MROH7: variants seen among roughly 807,000 people sequenced by gnomAD.
MROH7 encodes the protein maestro heat like repeat family member 7.
MROH7 carries 113 observed loss-of-function variants against 129.2 expected under a neutral mutation model. That is an observed-to-expected ratio of 0.87 (90% confidence interval 0.75 to 1.02). The LOEUF is 1.02. Among genes scored for constraint, MROH7 ranks in the 50% least tolerant of loss-of-function variants. The pLI is 0.00. For synonymous variants in MROH7, 655 were observed against 667.9 expected, an observed-to-expected ratio of 0.98 and a Z score of 0.30; for missense variants, 1,601 against 1,671.3, an observed-to-expected ratio of 0.96 and a Z score of 0.73.
intron 4 of MROH7, chr1:54,665,647 G>C (rs1395787611): frequency 6.2e-6 from 1 of 161,778 alleles, no homozygotes; most frequent in East Asian, 1.8e-4. Context: ...CATGTGGCAG[G>C]CTCAGGAGGC....
At chr1:54,688,665 G>C (rs1169386993) in intron 15 of MROH7, among the ~76,000 whole-genome samples, 1 of 152,190 alleles carries the variant, frequency 6.6e-6, no homozygotes. Context: ...GTGAGGACCA[G>C]ATAGGGTCGC....
chr1:54,702,775 C>T (rs1232510864), intron 21 of MROH7, 30 bp downstream of exon 21: 10 of 1,585,406 alleles, frequency 6.3e-6, no homozygotes, highest in Non-Finnish European at 8.6e-6. Context: ...AGAGTGGTTC[C>T]TTACAAGCAT....
Position 54,680,062 on chromosome 1 carries a change from T to C in MROH7, c.2381+17T>C. The C allele has an allele frequency of 1.2e-6, 2 of 1,609,842 alleles. No individual in the cohort carries two copies. Among genetic ancestry groups the C allele is most frequent in the South Asian group, 1.1e-5 (1 of 90,984 alleles). Reference sequence around the variant, plus strand: ...ACTGAACAGGTACCAAGTGAAGGGGTTCCCAGCCACTGCATCTTACAGGGT... The same window carrying C: ...ACTGAACAGGTACCAAGTGAAGGGGCTCCCAGCCACTGCATCTTACAGGGT... On this transcript the variant is annotated intron_variant, in intron 13 of 23. Transcript: ENST00000421030.
intron 3 of MROH7, among the ~76,000 whole-genome samples, chr1:54,655,940 C>G (rs1644637497): frequency 6.9e-6 from 1 of 145,208 alleles, no homozygotes; most frequent in African/African-American, 2.6e-5. Context: ...GTCACCAAGG[C>G]TGGAGTGTAA....
intron 22 of MROH7, among the ~76,000 whole-genome samples, chr1:54,708,239 C>T (rs937433165): frequency 3.9e-5 from 6 of 152,190 alleles, no homozygotes; most frequent in Admixed American, 3.3e-4. Context: ...AGCAATATAG[C>T]AAGACCCCAT....
At chr1:54,644,690 T>C (rs1644436804) in intron 1 of MROH7, among the ~76,000 whole-genome samples, 1 of 150,426 alleles carries the variant, frequency 6.6e-6, no homozygotes, top group African/African-American at 2.4e-5. Context: ...AAAATAGAAA[T>C]GAGGTCCCAC....
At chr1:54,671,503 G>C (rs2101110013) in intron 7 of MROH7, among the ~76,000 whole-genome samples, 1 of 152,376 alleles carries the variant, frequency 6.6e-6, no homozygotes, top group Non-Finnish European at 1.5e-5. Flanking sequence ...GGCCAGGATT[G>C]GGAGGGGCAG....
At chr1:54,656,594 G>A (rs1382923764) in intron 3 of MROH7, among the ~76,000 whole-genome samples, 1 of 151,458 alleles carries the variant, frequency 6.6e-6, no homozygotes, top group African/African-American at 2.4e-5. Context: ...AAGCCGAGGT[G>A]GGTGGATCAC....
chr1:54,695,571 A>C (rs565716732), intron 17 of MROH7, 81 bp downstream of exon 17: 1 of 861,524 alleles, frequency 1.2e-6, no homozygotes, highest in East Asian at 2.6e-5. Flanking sequence ...TCCTATGTAA[A>C]CAGTACTTTA....
At chr1:54,670,451 T>G in intron 5 of MROH7, 46 bp from the exon 6 acceptor site, 1 of 1,569,152 alleles carries the variant, frequency 6.4e-7, no homozygotes, top group South Asian at 1.1e-5. Context: ...CCTGGTGGCC[T>G]GCAGTAGCCC....
In MROH7 at chr1:54,696,417, A is replaced by G. The variant is rs183717591; in HGVS notation, c.2964+927A>G. 1.5e-3 allele frequency among the ~76,000 whole-genome samples: 230 copies of G among 152,296 alleles called. 1 individual carries two copies. Among genetic ancestry groups the G allele is most frequent in the Admixed American group, 4.1e-3 (62 of 15,296 alleles). On this transcript the variant is annotated intron_variant, in intron 17 of 23. Transcript: ENST00000421030. ...TGTTATGCAACCATCACCACCATTCATCTCCAGAACTTTCGTATCTTTCAC... is the reference window on the plus strand; with the variant it reads ...TGTTATGCAACCATCACCACCATTCGTCTCCAGAACTTTCGTATCTTTCAC...
chr1:54,659,401 G>A (rs1569876161), intron 3 of MROH7, among the ~76,000 whole-genome samples: 1 of 151,568 alleles, frequency 6.6e-6, no homozygotes, highest in East Asian at 1.9e-4. Flanking sequence ...TCCTGCCTCA[G>A]CCTCCTGAGT....
intron 15 of MROH7, among the ~76,000 whole-genome samples, chr1:54,690,972 C>T (rs964045560): frequency 6.6e-6 from 1 of 152,174 alleles, no homozygotes; most frequent in African/African-American, 2.4e-5. Flanking sequence ...GGAGCATATG[C>T]AGGAGGCTCA....
chr1:54,702,534 C>A, intron 20 of MROH7, 89 bp from the exon 21 acceptor site: 1 of 1,285,892 alleles, frequency 7.8e-7, no homozygotes, highest in Non-Finnish European at 1.0e-6. Context: ...TGTACAATTT[C>A]AAATAGAAAC....
intron 7 of MROH7, 70 bp from the exon 8 acceptor site, chr1:54,673,021 C>T: frequency 1.7e-6 from 2 of 1,178,480 alleles, no homozygotes; most frequent in Non-Finnish European, 2.5e-6. Context: ...CTGACCTACA[C>T]CAGGGGCCGC....
At position 54,686,307 on chromosome 1, in the gene MROH7, G is replaced by T. The variant is rs368938972; in HGVS notation, c.2570G>T (p.Arg857Leu). Reference protein sequence around the residue: ...ELLSVNSCMGRVRRIYPQLLL... With the variant: ...ELLSVNSCMGLVRRIYPQLLL... ...CTGTCCGTCAACAGCTGCATGGGCC[G>T]TGTGAGGCGCATCTACCCTCAGCTG... The change falls in exon 15 of 24, where the codon CGT becomes CTT. Residue 857 changes from arginine to leucine, a missense_variant. By Grantham distance (102) the Arg-to-Leu change is moderately radical. Coordinates refer to ENST00000421030, the MANE Select transcript of MROH7 (RefSeq NM_001039464.4). The T allele has an allele frequency of 5.0e-5, 80 of 1,613,982 alleles. No homozygotes were observed. Among genetic ancestry groups the T allele is most frequent in the Non-Finnish European group, 5.9e-5 (70 of 1,180,030 alleles).
rs756393110 is a variant in MROH7, at chr1:54,679,384, C to T, written c.2171C>T (p.Ser724Leu). Residue 724 changes from serine (S) to leucine (L), a missense_variant, in exon 12 of 24, where the codon TCG becomes TTG. Transcript: ENST00000421030. Reference protein sequence around the residue: ...KDSREMMQLASEVMLSSVLEW... With the variant: ...KDSREMMQLALEVMLSSVLEW... ...TCCAGGGAGATGATGCAGCTGGCCT[C>T]GGAGGTCATGCTCAGCTCGGTGCTG... 33 of 1,613,974 alleles carry T rather than the reference C, an allele frequency of 2.0e-5. No homozygotes were observed. Among genetic ancestry groups the T allele is most frequent in the South Asian group, 4.4e-5 (4 of 91,092 alleles).
Position 54,653,659 on chromosome 1 carries a change from A to C in MROH7, c.733A>C (p.Asn245His). 1 of 1,614,128 alleles carries C rather than the reference A, an allele frequency of 6.2e-7. No individual in the cohort carries two copies. Among genetic ancestry groups the C allele is most frequent in the Non-Finnish European group, 8.5e-7 (1 of 1,180,014 alleles). ...DSHGTLIPDT[N>H]ETITLASHNI... ...TCATGGGACCCTAATCCCAGACACA[A>C]ATGAGACCATCACTTTGGCTTCACA... is the stretch of plus-strand genomic sequence containing the variant. The change falls in exon 3 of 24, where the codon AAT becomes CAT. Residue 245 changes from asparagine to histidine, a missense_variant. Asn to His is a moderately conservative substitution (Grantham distance 68). Transcript: ENST00000421030.
intron 3 of MROH7, among the ~76,000 whole-genome samples, chr1:54,660,116 G>A (rs1028937990): frequency 3.9e-5 from 6 of 152,150 alleles, no homozygotes; most frequent in African/African-American, 1.4e-4. Context: ...ATAACAAAAT[G>A]CCTGAGACTG....
Sources: allele counts gnomAD v4.1 joint callset (sites outside exome capture counted in the v4.1 genomes callset), GRCh38; gene constraint gnomAD v4.1.1; transcripts MANE v1.5; gene names NCBI Gene and HGNC (gene_info 2026-07-23, HGNC 2026-07-21).